Variants in TRMT11 observed in about 807,000 individuals in gnomAD.
TRMT11 encodes the protein tRNA (guanine(10)-N(2))-methyltransferase TRMT11.
Under a neutral mutation model 62.8 loss-of-function variants are expected in TRMT11, and 53 were observed. That is an observed-to-expected ratio of 0.84 (90% CI 0.68 to 1.06). The LOEUF (loss-of-function observed/expected upper bound fraction) is 1.06. Among genes scored for constraint, TRMT11 ranks in the 50% least tolerant of loss-of-function variants. TRMT11 has a pLI of 0.00. For missense variants in TRMT11, 556 were observed against 553.4 expected (o/e 1.00, Z -0.05); for synonymous variants, 188 against 190.3 (o/e 0.99, Z 0.10).
intron 1 of TRMT11, among the ~76,000 whole-genome samples, chr6:126,185,586 T>C (rs964984585): frequency 2.2e-4 from 34 of 152,348 alleles, no homozygotes; most frequent in African/African-American, 7.2e-4. Context: ...TCTTCTATTC[T>C]CTTTCTTACT....
chr6:126,217,400 G>A, the TRMT11 span, among the ~76,000 whole-genome samples: 3 of 152,280 alleles, frequency 2.0e-5, no homozygotes, highest in East Asian at 1.9e-4. Context: ...GGTATTTGAA[G>A]CGACTTGGGT....
the TRMT11 span, among the ~76,000 whole-genome samples, chr6:126,264,555 A>C: frequency 6.6e-6 from 1 of 152,218 alleles, no homozygotes; most frequent in Non-Finnish European, 1.5e-5. Context: ...ATATTTGGTC[A>C]AGCATTATTC....
intron 6 of TRMT11, among the ~76,000 whole-genome samples, 199 bp from the exon 7 acceptor site, chr6:125,999,258 A>C (rs1017227135): frequency 6.6e-6 from 1 of 152,224 alleles, no homozygotes; most frequent in African/African-American, 2.4e-5. Context: ...TTTGAAAAGA[A>C]AAAGTAAATG....
chr6:126,059,526 A>C (rs962630762), intron 17 of TRMT11, among the ~76,000 whole-genome samples: 3 of 152,232 alleles, frequency 2.0e-5, no homozygotes, highest in African/African-American at 4.8e-5. Context: ...TGCAGTACTT[A>C]TATTAATCAT....
the TRMT11 span, among the ~76,000 whole-genome samples, chr6:126,214,009 TG>T: frequency 1.3e-5 from 2 of 152,122 alleles, no homozygotes; most frequent in East Asian, 3.8e-4. Flanking sequence ...TCATGGTTTT[TG>T]TCCTTCATTC....
downstream of TRMT11, among the ~76,000 whole-genome samples, chr6:126,205,898 TACACACACACACACACAC>T (rs59880424): frequency 3.5e-5 from 5 of 142,956 alleles, no homozygotes; most frequent in Admixed American, 2.8e-4. Context: ...TGTGAGAGGG[TACACACACACACACACAC>T]ACACACACAC....
chr6:126,186,695 A>G (rs1278472725), intron 1 of TRMT11, among the ~76,000 whole-genome samples: 1 of 152,112 alleles, frequency 6.6e-6, no homozygotes, highest in Non-Finnish European at 1.5e-5. Flanking sequence ...TTTGTTAAAT[A>G]TCCGCATAGA....
At chr6:126,121,941 C>T (rs1296423517) in intron 21 of TRMT11, among the ~76,000 whole-genome samples, 3 of 152,034 alleles carry the variant, frequency 2.0e-5, no homozygotes, top group Non-Finnish European at 4.4e-5. Context: ...GGCAGTGTCC[C>T]CACCCAAATC....
chr6:125,994,449 A>G (rs1053833781), intron 2 of TRMT11, among the ~76,000 whole-genome samples: 4 of 151,916 alleles, frequency 2.6e-5, no homozygotes, highest in African/African-American at 4.8e-5. Context: ...AATATTTTTC[A>G]TTGACTAGCT....
intron 16 of TRMT11, among the ~76,000 whole-genome samples, chr6:126,051,389 A>C (rs887266337): frequency 6.6e-6 from 1 of 152,154 alleles, no homozygotes; most frequent in Non-Finnish European, 1.5e-5. Flanking sequence ...GATCAACAAT[A>C]TAAAGTCAGA....
At chr6:126,047,838 T>C (rs1776103871) in intron 16 of TRMT11, among the ~76,000 whole-genome samples, 1 of 152,364 alleles carries the variant, frequency 6.6e-6, no homozygotes, top group East Asian at 1.9e-4. Flanking sequence ...GTTTCACTAC[T>C]GGGCTTCTGT....
intron 21 of TRMT11, among the ~76,000 whole-genome samples, chr6:126,132,778 A>G (rs971212770): frequency 6.6e-6 from 1 of 152,044 alleles, no homozygotes; most frequent in Non-Finnish European, 1.5e-5. Context: ...GTGGTAGAAG[A>G]ATTATCGTAT....
chr6:126,042,611 T>G (rs1181206600), downstream of TRMT11, among the ~76,000 whole-genome samples: 1 of 152,188 alleles, frequency 6.6e-6, no homozygotes, highest in Non-Finnish European at 1.5e-5. Context: ...CAAACTGAAT[T>G]GCCTAAAAAG....
At chr6:126,186,404 A>G (rs999680963) in intron 1 of TRMT11, among the ~76,000 whole-genome samples, 1 of 152,160 alleles carries the variant, frequency 6.6e-6, no homozygotes, top group Non-Finnish European at 1.5e-5. Flanking sequence ...GAAACAACCA[A>G]ATAGTTTAAT....
At chr6:126,239,781 T>C in the TRMT11 span, among the ~76,000 whole-genome samples, 3 of 152,246 alleles carry the variant, frequency 2.0e-5, no homozygotes, top group East Asian at 5.8e-4. Context: ...GAAGTTCTCC[T>C]GGATAGTATC....
the TRMT11 span, among the ~76,000 whole-genome samples, chr6:126,270,250 T>G: frequency 1.3e-5 from 2 of 152,190 alleles, no homozygotes; most frequent in Admixed American, 1.3e-4. Context: ...GAAACCCTAT[T>G]TGTTTTTATT....
chr6:126,148,979 T>G (rs912980485), intron 21 of TRMT11, among the ~76,000 whole-genome samples: 1 of 152,236 alleles, frequency 6.6e-6, no homozygotes, highest in African/African-American at 2.4e-5. Flanking sequence ...CATCCAGGTG[T>G]GCTGTGAGAA....
chr6:126,012,784 CAG>C lies in TRMT11; in HGVS notation c.943_944del (p.Glu315IlefsTer36), dbSNP rs1794409283. On this transcript the variant is annotated frameshift_variant, in exon 10 of 13. Transcript: ENST00000334379. LOFTEE classifies it high-confidence loss of function. Reference sequence around the variant, plus strand: ...TTTTCTGTCTAGCTCCATATGGTATCAGAGAATCTACAAGAAGAACAGGTTCA... The same window carrying C: ...TTTTCTGTCTAGCTCCATATGGTATCAGAATCTACAAGAAGAACAGGTTCA... ...AIITDPPYGI[R>X]ESTRRTGSQK... is the part of the protein sequence containing the mutation. The C allele has an allele frequency of 6.2e-7, 1 of 1,613,418 alleles. No individual in the cohort carries two copies. Among genetic ancestry groups the C allele is most frequent in the East Asian group, 2.2e-5 (1 of 44,860 alleles).
chr6:126,000,207 T>C (rs939015731), intron 7 of TRMT11, among the ~76,000 whole-genome samples: 28 of 152,132 alleles, frequency 1.8e-4, no homozygotes, highest in African/African-American at 6.8e-4. Context: ...ATGGAAGTCC[T>C]AAAACTCCAT....
Sources: gnomAD v4.1 joint callset for allele counts (sites outside exome capture counted in the v4.1 genomes callset) on GRCh38, gnomAD v4.1.1 for gene constraint, MANE v1.5 for transcripts, NCBI Gene and HGNC (gene_info 2026-07-23, HGNC 2026-07-21) for gene names.